Variants in FGGY observed in about 807,000 individuals in gnomAD.
The protein encoded by FGGY is FGGY carbohydrate kinase domain-containing protein.
Under a neutral mutation model 71.3 loss-of-function variants are expected in FGGY, and 72 were observed. The observed-to-expected ratio is 1.01, with a 90% confidence interval of 0.84 to 1.23. The LOEUF (loss-of-function observed/expected upper bound fraction) is 1.23. FGGY is among the 50% of genes most tolerant of loss of function. FGGY has a pLI of 0.00. For synonymous variants in FGGY, 251 were observed against 250.3 expected, an observed-to-expected ratio of 1.00 and a Z score of -0.02; for missense variants, 668 against 682.3, an observed-to-expected ratio of 0.98 and a Z score of 0.23.
At chr1:59,646,390 C>T (rs546066637) in intron 11 of FGGY, among the ~76,000 whole-genome samples, 2 of 151,390 alleles carry the variant, frequency 1.3e-5, no homozygotes, top group African/African-American at 4.8e-5. Context: ...AGTGTCTTTA[C>T]CTGGTTTTCT....
rs750865507 is a variant in FGGY at position 59,378,852 on chromosome 1, A to G, written c.554+15A>G. 4 of 1,604,338 alleles carry G rather than the reference A, an allele frequency of 2.5e-6. No individual in the cohort carries two copies. The highest frequency in any genetic ancestry group is 3.4e-6 in the Non-Finnish European group (4 of 1,171,956). Reference sequence around the variant, plus strand: ...GTCACAGCACGGTATGTTAATTACAAGTTGGATTGTGTTTGCGTTCTTCCA... The same window carrying G: ...GTCACAGCACGGTATGTTAATTACAGGTTGGATTGTGTTTGCGTTCTTCCA... On this transcript the variant is annotated intron_variant, in intron 5 of 15. Transcript: ENST00000303721.
At chr1:59,489,074 G>A (rs1004059738) in intron 6 of FGGY, among the ~76,000 whole-genome samples, 1 of 151,874 alleles carries the variant, frequency 6.6e-6, no homozygotes, top group African/African-American at 2.4e-5. Flanking sequence ...AATATTTGGA[G>A]GTTATTTTTA....
At chr1:59,400,979 G>C (rs771969329) in intron 5 of FGGY, among the ~76,000 whole-genome samples, 1 of 151,966 alleles carries the variant, frequency 6.6e-6, no homozygotes, top group African/African-American at 2.4e-5. Flanking sequence ...TTATGAGTAT[G>C]AGAACTAAGC....
At chr1:59,627,649 A>G (rs955223317) in intron 10 of FGGY, among the ~76,000 whole-genome samples, 8 of 151,860 alleles carry the variant, frequency 5.3e-5, no homozygotes, top group African/African-American at 1.9e-4. Flanking sequence ...GCTCACAGGT[A>G]CTGTATTCTA....
intron 3 of FGGY, among the ~76,000 whole-genome samples, chr1:59,343,281 G>C (rs959454196): frequency 6.6e-6 from 1 of 152,200 alleles, no homozygotes; most frequent in Non-Finnish European, 1.5e-5. Flanking sequence ...TAGGTAAAGT[G>C]AGGTAGCTCA....
rs114487740 is a variant in FGGY, at chr1:59,297,993, A to C, written c.-15+843A>C. On this transcript the variant is annotated intron_variant, in intron 1 of 15. Coordinates refer to ENST00000303721, the MANE Select transcript of FGGY (RefSeq NM_018291.5). ...AGGTTAAATTTTAAAGTATGAGACC[A>C]GGAGGGGTGAGGTGCTTATTCTTTT... 3.0e-3 allele frequency among the ~76,000 whole-genome samples: 462 copies of C among 152,344 alleles called. 4 individuals carry two copies. Among genetic ancestry groups the C allele is most frequent in the African/African-American group, 0.01 (425 of 41,580 alleles).
chr1:59,468,194 C>G (rs538776555), intron 6 of FGGY, among the ~76,000 whole-genome samples: 1 of 152,128 alleles, frequency 6.6e-6, no homozygotes, highest in Non-Finnish European at 1.5e-5. Context: ...TAAGTCACCG[C>G]GCCCGACTGG....
At chr1:59,656,213 A>G (rs1379316432) in intron 11 of FGGY, among the ~76,000 whole-genome samples, 2 of 152,206 alleles carry the variant, frequency 1.3e-5, no homozygotes, top group East Asian at 3.9e-4. Context: ...AACATTCAAA[A>G]TAGGCACAGG....
chr1:59,455,579 T>C (rs1297894276), intron 5 of FGGY, among the ~76,000 whole-genome samples: 1 of 152,182 alleles, frequency 6.6e-6, no homozygotes, highest in Non-Finnish European at 1.5e-5. Flanking sequence ...AATTGAAGGA[T>C]CTTAATCAGA....
intron 8 of FGGY, among the ~76,000 whole-genome samples, chr1:59,566,248 G>A (rs2095871137): frequency 6.6e-6 from 1 of 151,980 alleles, no homozygotes; most frequent in African/African-American, 2.4e-5. Flanking sequence ...CCAAGCATTG[G>A]GTCCCGTGCC....
At chr1:59,303,183 TC>T (rs2043021211) in intron 1 of FGGY, among the ~76,000 whole-genome samples, 3 of 152,348 alleles carry the variant, frequency 2.0e-5, no homozygotes, top group Admixed American at 2.0e-4. Flanking sequence ...CAGTAAATTA[TC>T]AACTGTAATC....
intron 4 of FGGY, among the ~76,000 whole-genome samples, chr1:59,375,156 A>T (rs1028181704): frequency 5.4e-5 from 8 of 148,282 alleles, no homozygotes; most frequent in African/African-American, 2.0e-4. Context: ...GCTACTCGGG[A>T]GGCTGAGGCA....
At chr1:59,391,351 G>C (rs1215930132) in intron 5 of FGGY, among the ~76,000 whole-genome samples, 1 of 152,156 alleles carries the variant, frequency 6.6e-6, no homozygotes, top group African/African-American at 2.4e-5. Context: ...TGGAGGCAGT[G>C]GGGGAGTCGG....
intron 5 of FGGY, among the ~76,000 whole-genome samples, chr1:59,402,404 G>A (rs557945901): frequency 5.4e-4 from 82 of 152,282 alleles, no homozygotes; most frequent in African/African-American, 1.8e-3. Context: ...TACATCACAG[G>A]AGATGAAAAG....
At chr1:59,544,995 T>G (rs768797478) in intron 7 of FGGY, among the ~76,000 whole-genome samples, 9 of 152,180 alleles carry the variant, frequency 5.9e-5, no homozygotes, top group Non-Finnish European at 1.0e-4. Flanking sequence ...CCTCACCTGC[T>G]TTAGGAGCCC....
At chr1:59,477,772 C>T (rs1480936063) in intron 6 of FGGY, among the ~76,000 whole-genome samples, 1 of 152,152 alleles carries the variant, frequency 6.6e-6, no homozygotes, top group Non-Finnish European at 1.5e-5. Context: ...TTTATTAATA[C>T]TTCATGTTCT....
intron 14 of FGGY, among the ~76,000 whole-genome samples, chr1:59,735,904 C>T (rs1169676315): frequency 6.6e-6 from 1 of 152,204 alleles, no homozygotes; most frequent in Non-Finnish European, 1.5e-5. Context: ...AGGGAAAACA[C>T]ACACCCTGGG....
At chr1:59,662,259 G>T (rs1343779565) in intron 12 of FGGY, among the ~76,000 whole-genome samples, 2 of 150,310 alleles carry the variant, frequency 1.3e-5, no homozygotes. Flanking sequence ...GGCGGAGCTT[G>T]CAGTGAACTG....
intron 6 of FGGY, among the ~76,000 whole-genome samples, chr1:59,491,362 G>A (rs1314421965): frequency 6.6e-6 from 1 of 151,672 alleles, no homozygotes; most frequent in Non-Finnish European, 1.5e-5. Context: ...AGCATGGAAT[G>A]TCTTTCCATT....
Sources: gnomAD v4.1 joint callset for allele counts (sites outside exome capture counted in the v4.1 genomes callset) on GRCh38, gnomAD v4.1.1 for gene constraint, MANE v1.5 for transcripts, NCBI Gene and HGNC (gene_info 2026-07-23, HGNC 2026-07-21) for gene names.